Variants in CLVS1 observed in about 807,000 individuals in gnomAD.
The protein encoded by CLVS1 is clavesin 1.
CLVS1 carries 10 observed loss-of-function variants against 33.1 expected under a neutral mutation model. The observed-to-expected ratio is 0.30, with a 90% CI of 0.19 to 0.51. CLVS1 has a LOEUF of 0.51. Ranked by LOEUF, CLVS1 falls within the 20% of genes least tolerant of loss-of-function variation. CLVS1 has a pLI of 0.97. For missense variants in CLVS1, 343 were observed against 433.4 expected (o/e 0.79, Z 1.85); for synonymous variants, 163 against 166.1 (o/e 0.98, Z 0.14).
At chr8:60,999,092 G>A in the CLVS1 span, among the ~76,000 whole-genome samples, 1 of 152,168 alleles carries the variant, frequency 6.6e-6, no homozygotes, top group Non-Finnish European at 1.5e-5. Context: ...TGCAGGGTGG[G>A]AGAGGACTAG....
intron 5 of CLVS1, among the ~76,000 whole-genome samples, chr8:61,461,923 C>T (rs7840780): frequency 0.084 from 11,807 of 140,430 alleles, 1,289 homozygotes; most frequent in African/African-American, 0.25. Flanking sequence ...GATGGGAAAA[C>T]GCCATGTCAT....
the CLVS1 span, among the ~76,000 whole-genome samples, chr8:61,036,977 G>A: frequency 6.6e-6 from 1 of 152,110 alleles, no homozygotes; most frequent in African/African-American, 2.4e-5. Flanking sequence ...CAGAAAAGAG[G>A]AAATATGAAA....
chr8:61,248,536 G>T (rs60755707), intron 2 of CLVS1, among the ~76,000 whole-genome samples: 4,568 of 151,596 alleles, frequency 0.03, 98 homozygotes, highest in African/African-American at 0.055. Context: ...AGTTTTTTTT[G>T]TGTGTGTGTG....
intron 2 of CLVS1, among the ~76,000 whole-genome samples, chr8:61,197,417 A>G (rs1301832924): frequency 2.0e-5 from 3 of 152,112 alleles, no homozygotes; most frequent in Admixed American, 6.6e-5. Flanking sequence ...GTCTGTTTTT[A>G]TGCAAGTACC....
At chr8:61,317,016 AT>A (rs915049743) in intron 2 of CLVS1, among the ~76,000 whole-genome samples, 2 of 151,908 alleles carry the variant, frequency 1.3e-5, no homozygotes, top group African/African-American at 4.8e-5. Flanking sequence ...TATTATTCTG[AT>A]TTTTTTTCAC....
At chr8:61,347,730 G>A (rs1197910228) in intron 2 of CLVS1, among the ~76,000 whole-genome samples, 1 of 139,298 alleles carries the variant, frequency 7.2e-6, no homozygotes, top group Non-Finnish European at 1.5e-5. Context: ...AATTAACATG[G>A]GACTTGGTAG....
At chr8:61,178,663 A>G in intron 2 of CLVS1, among the ~76,000 whole-genome samples, 1 of 152,230 alleles carries the variant, frequency 6.6e-6, no homozygotes, top group East Asian at 1.9e-4. Flanking sequence ...CAGAAACCCT[A>G]CAAGCCAGAA....
rs944742778 is a variant in CLVS1 at position 61,196,820 on chromosome 8, T to C, written c.-152+64960T>C. Among the ~76,000 whole-genome samples, 3 of 152,254 alleles carry C rather than the reference T, an allele frequency of 2.0e-5. No homozygotes were observed. The South Asian group carries it at 6.2e-4, about 31-fold the overall frequency. On this transcript the variant is annotated intron_variant, in intron 2 of 2. Transcript: ENST00000522621. ...TTATTTAGGCATGTGGCCATCTAAC[T>C]AGAGAACATGTTTCTCAGTCTTCCT...
At chr8:61,190,602 A>T (rs1807449664) in intron 2 of CLVS1, among the ~76,000 whole-genome samples, 1 of 152,216 alleles carries the variant, frequency 6.6e-6, no homozygotes, top group Admixed American at 6.5e-5. Flanking sequence ...TTTTGAAAAG[A>T]TCAACAAAAT....
chr8:61,464,508 T>A (rs1817477736), intron 5 of CLVS1: 1 of 152,188 alleles, frequency 6.6e-6, no homozygotes, highest in Non-Finnish European at 1.5e-5. Context: ...AACTATAATG[T>A]AGAATGTGAG....
intron 3 of CLVS1, among the ~76,000 whole-genome samples, chr8:61,445,493 C>G (rs1415132827): frequency 1.3e-5 from 2 of 152,300 alleles, no homozygotes; most frequent in South Asian, 2.1e-4. Flanking sequence ...CTCTACATAC[C>G]TGCTCCCCTT....
chr8:61,473,126 C>T (rs1415110350), intron 5 of CLVS1, among the ~76,000 whole-genome samples: 5 of 151,940 alleles, frequency 3.3e-5, no homozygotes, highest in African/African-American at 1.2e-4. Context: ...GAGGAAGTCA[C>T]ATATAAGCTG....
At chr8:61,245,156 T>C (rs1311740960) in intron 2 of CLVS1, among the ~76,000 whole-genome samples, 4 of 152,174 alleles carry the variant, frequency 2.6e-5, no homozygotes, top group Non-Finnish European at 5.9e-5. Context: ...TGTATTGTTT[T>C]TCATCCTTCC....
chr8:61,410,790 A>C (rs4738889), intron 3 of CLVS1, among the ~76,000 whole-genome samples: 103,044 of 151,476 alleles, frequency 0.68, 35,752 homozygotes, highest in Non-Finnish European at 0.75. Flanking sequence ...TACAGGCGTG[A>C]ACCACCACAA....
At chr8:61,345,769 G>C (rs1458687418) in intron 2 of CLVS1, among the ~76,000 whole-genome samples, 1 of 151,846 alleles carries the variant, frequency 6.6e-6, no homozygotes, top group Non-Finnish European at 1.5e-5. Flanking sequence ...GTAGAGAAGA[G>C]GAAAGGTGAC....
intron 3 of CLVS1, among the ~76,000 whole-genome samples, chr8:61,379,237 GGGGAAATAAGC>G (rs1813768863): frequency 6.6e-6 from 1 of 152,160 alleles, no homozygotes; most frequent in East Asian, 1.9e-4. Flanking sequence ...GGCCTTGTCA[GGGGAAATAAGC>G]AGTCCAATTT....
intron 5 of CLVS1, among the ~76,000 whole-genome samples, chr8:61,487,695 A>C (rs1803931914): frequency 6.6e-6 from 1 of 152,202 alleles, no homozygotes; most frequent in South Asian, 2.1e-4. Context: ...CCCCATCCCT[A>C]GTGGGGAGGA....
intron 2 of CLVS1, among the ~76,000 whole-genome samples, chr8:61,150,129 A>G (rs935868009): frequency 3.0e-4 from 12 of 39,724 alleles, no homozygotes; most frequent in African/African-American, 7.9e-4. Context: ...TGTGTGTGTG[A>G]CTCTCCTGCA....
chr8:60,987,252 G>A, the CLVS1 span, among the ~76,000 whole-genome samples: 2 of 152,228 alleles, frequency 1.3e-5, no homozygotes, highest in African/African-American at 4.8e-5. Flanking sequence ...ATAGTTAAGA[G>A]TGGCTTCCTG....
Sources: allele counts gnomAD v4.1 joint callset (sites outside exome capture counted in the v4.1 genomes callset), GRCh38; gene constraint gnomAD v4.1.1; transcripts MANE v1.5; gene names NCBI Gene and HGNC (gene_info 2026-07-23, HGNC 2026-07-21).